POGLUT1: variants seen among roughly 807,000 people sequenced by gnomAD.
POGLUT1 encodes 9630046K23Rik.
Under a neutral mutation model 61.3 loss-of-function variants are expected in POGLUT1, and 32 were observed. The ratio of observed to expected loss-of-function variants is 0.52; its 90% confidence interval spans 0.39 to 0.70. The LOEUF (loss-of-function observed/expected upper bound fraction) is 0.70, where lower values mean the gene tolerates loss of function less well. POGLUT1 is among the 30% of genes least tolerant of loss of function. The probability of loss-of-function intolerance (pLI) is 0.00; values close to 1 mark genes in which losing one functional copy is unlikely to be tolerated. For synonymous variants in POGLUT1, 158 were observed against 158.2 expected (o/e 1.00, Z 0.01); for missense variants, 411 against 469.8 (o/e 0.87, Z 1.16).
intron 7 of POGLUT1, 107 bp downstream of exon 7, chr3:119,487,039 G>C: frequency 1.3e-6 from 1 of 755,492 alleles, no homozygotes; most frequent in South Asian, 1.5e-5. Context: ...GTGGTGAGGT[G>C]AATGTAAAGA....
intron 5 of POGLUT1, among the ~76,000 whole-genome samples, chr3:119,481,412 G>A (rs1305835894): frequency 3.3e-5 from 5 of 152,106 alleles, no homozygotes; most frequent in Middle Eastern, 3.2e-3. Context: ...AGAACTTCCG[G>A]AAACACAGTC....
chr3:119,474,267 T>C (rs1448666161), intron 3 of POGLUT1, among the ~76,000 whole-genome samples: 1 of 152,348 alleles, frequency 6.6e-6, no homozygotes, highest in East Asian at 1.9e-4. Context: ...AACATTACAT[T>C]GTATCCTGTA....
intron 7 of POGLUT1, chr3:119,487,941 G>C (rs2081688757): frequency 6.6e-6 from 1 of 152,166 alleles, no homozygotes; most frequent in Admixed American, 6.5e-5. Context: ...AGCCAGAAAT[G>C]GGACCGTTGG....
chr3:119,481,744 T>A (rs1455873821), intron 5 of POGLUT1, among the ~76,000 whole-genome samples: 1 of 152,242 alleles, frequency 6.6e-6, no homozygotes, highest in East Asian at 1.9e-4. Flanking sequence ...GGTTTAGTGA[T>A]CTGGTCAAGG....
At chr3:119,475,098 C>CTGCTA (rs2107706960) in intron 3 of POGLUT1, among the ~76,000 whole-genome samples, 1 of 152,292 alleles carries the variant, frequency 6.6e-6, no homozygotes, top group South Asian at 2.1e-4. Context: ...GACCCTCAGA[C>CTGCTA]TGCTAGTCCC....
At chr3:119,472,028 CTAG>C in intron 3 of POGLUT1, among the ~76,000 whole-genome samples, 1 of 152,230 alleles carries the variant, frequency 6.6e-6, no homozygotes, top group Admixed American at 6.5e-5. Context: ...AGAGGAGTAA[CTAG>C]TGCTGCAAAT....
At chr3:119,481,552 C>G (rs574857683) in intron 5 of POGLUT1, among the ~76,000 whole-genome samples, 1 of 152,180 alleles carries the variant, frequency 6.6e-6, no homozygotes, top group South Asian at 2.1e-4. Context: ...CCTGAAGAAA[C>G]GTACAGGGCT....
intron 3 of POGLUT1, among the ~76,000 whole-genome samples, chr3:119,472,648 A>G (rs1035381944): frequency 6.6e-6 from 1 of 152,294 alleles, no homozygotes; most frequent in Admixed American, 6.5e-5. Flanking sequence ...CCCAGGAGGC[A>G]GAGGTTGCGG....
rs1383167573 is a variant in POGLUT1 at position 119,492,917 on chromosome 3, G to A, written c.*479G>A. ...TTATTTTAATGTAGGAAACCCTATG[G>A]GGTTTATGAAAAATACTTGGGGATC... On this transcript the variant is annotated 3_prime_UTR_variant, in exon 11 of 11. Coordinates refer to ENST00000295588, the MANE Select transcript of POGLUT1 (RefSeq NM_152305.3). 1 of 152,490 alleles carries A rather than the reference G, an allele frequency of 6.6e-6. No individual in the cohort carries two copies. Among genetic ancestry groups the A allele is most frequent in the African/African-American group, 2.4e-5 (1 of 41,270 alleles). The allele number at this position is 152,490 out of a possible 1,614,324, so 9.4% of individuals were successfully genotyped here. A position where few individuals can be genotyped will look rare whatever the true frequency, so the allele number is the denominator to read the frequency against.
Position 119,469,866 on chromosome 3 carries a change from G to GTCCA in POGLUT1, c.132_133insTCCA (p.Asn45SerfsTer50), listed in dbSNP as rs2081449238. On this transcript the variant is annotated frameshift_variant, in exon 2 of 11. Transcript: ENST00000295588. LOFTEE classifies it high-confidence loss of function. ...TTGACCAAATTAACAGGTCTTTGGA[G>GTCCA]AATTACGAACCATGTTCAAGTCAAA... 1 of 1,609,086 alleles carries GTCCA rather than the reference G, an allele frequency of 6.2e-7. No individual in the cohort carries two copies.
chr3:119,477,464 G>T lies in POGLUT1; in HGVS notation c.456+16G>T. On this transcript the variant is annotated intron_variant, in intron 4 of 10. Transcript: ENST00000295588. ...CTTCAGTAAGGTAAGTACAGGGAGA[G>T]CCACATGGGTGGATGGAGAGTGGTC... is the stretch of plus-strand genomic sequence containing the variant. The T allele has an allele frequency of 6.2e-7, 1 of 1,612,908 alleles. No homozygotes were observed. The highest frequency in any genetic ancestry group is 8.5e-7 in the Non-Finnish European group (1 of 1,179,094).
At position 119,490,720 on chromosome 3, in the gene POGLUT1, T is replaced by C. The variant is rs777757849; in HGVS notation, c.965+2T>C. The stretch of plus-strand genomic sequence containing the variant: ...CAAAACAGATCTCTCCAATGTCCAG[T>C]AAGCAGTTATCCCCCAATGCAGAGT... On this transcript the variant is annotated splice_donor_variant, in intron 9 of 10. Transcript: ENST00000295588. LOFTEE classifies it high-confidence loss of function. 6.2e-7 allele frequency: 1 copy of C among 1,612,396 alleles called. No individual in the cohort carries two copies. Among genetic ancestry groups the C allele is most frequent in the South Asian group, 1.1e-5 (1 of 90,720 alleles).
chr3:119,492,659 C>T lies in POGLUT1; in HGVS notation c.*221C>T. On this transcript the variant is annotated 3_prime_UTR_variant, in exon 11 of 11. Transcript: ENST00000295588. ...GTTCAACTTTTTGGATGAATAAGGA[C>T]CAGAAATCGTGAGATGTGGATTTTG... 3.6e-6 allele frequency: 1 copy of T among 279,680 alleles called. No homozygotes were observed. The highest frequency in any genetic ancestry group is 6.7e-6 in the Non-Finnish European group (1 of 149,480). The allele number at this position is 279,680 out of a possible 1,614,324, so 17.3% of individuals were successfully genotyped here.
At chr3:119,475,353 C>G (rs1432498486) in intron 3 of POGLUT1, among the ~76,000 whole-genome samples, 1 of 152,208 alleles carries the variant, frequency 6.6e-6, no homozygotes, top group Admixed American at 6.5e-5. Flanking sequence ...ATTCAGCCCT[C>G]TATCAGTGGA....
chr3:119,469,669 A>C, intron 1 of POGLUT1, 151 bp from the exon 2 acceptor site: 1 of 608,980 alleles, frequency 1.6e-6, no homozygotes, highest in Non-Finnish European at 2.9e-6. Context: ...AGTTGCACAC[A>C]CAAAAATTCC....
chr3:119,491,985 C>T (rs200298962), intron 10 of POGLUT1, among the ~76,000 whole-genome samples: 1 of 151,748 alleles, frequency 6.6e-6, no homozygotes, highest in Non-Finnish European at 1.5e-5. Context: ...ACCCGGGAGG[C>T]GGAGGTTGCA....
intron 3 of POGLUT1, among the ~76,000 whole-genome samples, chr3:119,472,799 T>A (rs1168199008): frequency 6.6e-6 from 1 of 152,204 alleles, no homozygotes; most frequent in Non-Finnish European, 1.5e-5. Flanking sequence ...GGGAAGTCAA[T>A]GCACGCAGAT....
At chr3:119,489,080 T>A in intron 8 of POGLUT1, 93 bp downstream of exon 8, 1 of 646,394 alleles carries the variant, frequency 1.5e-6, no homozygotes, top group Non-Finnish European at 2.7e-6. Context: ...AAGGCCCAGC[T>A]GGAGTAAATG....
chr3:119,474,226 A>G (rs2081510038), intron 3 of POGLUT1, among the ~76,000 whole-genome samples: 1 of 152,254 alleles, frequency 6.6e-6, no homozygotes, highest in Non-Finnish European at 1.5e-5. Flanking sequence ...TTAGCTTGAT[A>G]TACTCATTCC....
Sources: allele counts gnomAD v4.1 joint callset (sites outside exome capture counted in the v4.1 genomes callset), GRCh38; gene constraint gnomAD v4.1.1; transcripts MANE v1.5; gene names NCBI Gene and HGNC (gene_info 2026-07-23, HGNC 2026-07-21).